ZSWIM6: variants seen among roughly 807,000 people sequenced by gnomAD.
The protein encoded by ZSWIM6 is zinc finger SWIM domain-containing protein 6.
A neutral mutation model predicts 113.2 loss-of-function variants in ZSWIM6; 9 were observed. The ratio of observed to expected loss-of-function variants is 0.08; its 90% CI spans 0.05 to 0.14. ZSWIM6 has a LOEUF of 0.14. ZSWIM6 is among the 10% of genes least tolerant of loss of function. The pLI is 1.00. For synonymous variants in ZSWIM6, 611 were observed against 606.5 expected (o/e 1.01, Z -0.11); for missense variants, 1,162 against 1,552.2 (o/e 0.75, Z 4.22).
rs367908042 is a variant in ZSWIM6 at position 61,465,865 on chromosome 5, G to A, written c.677-6816G>A. 7.2e-5 allele frequency among the ~76,000 whole-genome samples: 11 copies of A among 152,146 alleles called. No individual in the cohort carries two copies. The East Asian group carries it at 1.2e-3, about 16-fold the overall frequency. On this transcript the variant is annotated intron_variant, in intron 1 of 13. Transcript: ENST00000252744. ...TTTCCTTTAAAAAATATTTTTTTCA[G>A]AAAGATGAAAACCACTTCATTAGTG...
intron 4 of ZSWIM6, among the ~76,000 whole-genome samples, chr5:61,496,916 G>C (rs762084956): frequency 3.3e-5 from 5 of 152,012 alleles, no homozygotes; most frequent in African/African-American, 4.8e-5. Context: ...TGCTTCTCAT[G>C]TGCCACGAAT....
chr5:61,337,283 C>CA (rs1227045737), intron 1 of ZSWIM6, among the ~76,000 whole-genome samples: 35 of 147,670 alleles, frequency 2.4e-4, no homozygotes, highest in African/African-American at 6.0e-4. Flanking sequence ...CGTCTCCCCC[C>CA]CCAAAAAAAA....
chr5:61,412,915 G>A (rs1462960619), intron 1 of ZSWIM6, among the ~76,000 whole-genome samples: 1 of 151,692 alleles, frequency 6.6e-6, no homozygotes, highest in Non-Finnish European at 1.5e-5. Flanking sequence ...GTCAGTTGCT[G>A]GGTACATATT....
At position 61,332,682 on chromosome 5, in the gene ZSWIM6, C is replaced by T; in HGVS notation, c.410C>T (p.Pro137Leu). The change falls in exon 1 of 14, where the codon CCC (proline) becomes CTC (leucine). Residue 137 changes from proline (P) to leucine (L), a missense_variant. Around this residue, in one of 4 missense-constraint regions of ZSWIM6, gnomAD observed 333 missense variants for 293.4 expected, o/e 1.13. Transcript: ENST00000252744. ...ACCGGCGGCGGCGCCGCGGGCGGCC[C>T]CGGCGACGACAGCGGTGGCGGCGGC... is the stretch of plus-strand genomic sequence containing the variant. Reference protein sequence around the residue: ...FNTGGGAAGGPGDDSGGGGGA... With the variant: ...FNTGGGAAGGLGDDSGGGGGA... The T allele has an allele frequency of 9.3e-7, 1 of 1,075,330 alleles. No individual in the cohort carries two copies. The highest frequency in any genetic ancestry group is 1.1e-6 in the Non-Finnish European group (1 of 871,868). 66.6% of individuals were successfully genotyped at this position (1,075,330 alleles called of 1,614,324 possible). A position where few individuals can be genotyped will look rare whatever the true frequency, so the allele number is the denominator to read the frequency against.
At chr5:61,447,118 C>T (rs1181814630) in intron 1 of ZSWIM6, among the ~76,000 whole-genome samples, 2 of 152,098 alleles carry the variant, frequency 1.3e-5, no homozygotes, top group Admixed American at 1.3e-4. Context: ...CAGGCCCAAC[C>T]CTGCTTAGAA....
In ZSWIM6 at chr5:61,391,507, C is replaced by T. The variant is rs963744727; in HGVS notation, c.676+58559C>T. Reference sequence around the variant, plus strand: ...AAAGGCCTTCTTCTTAGATTTATGCCGGTTTTTATAGAAATGTCTCTTGCA... The same window carrying T: ...AAAGGCCTTCTTCTTAGATTTATGCTGGTTTTTATAGAAATGTCTCTTGCA... On this transcript the variant is annotated intron_variant, in intron 1 of 13. Transcript: ENST00000252744. 8.0e-5 allele frequency: 98 copies of T among 1,231,148 alleles called. 1 individual carries two copies. Among genetic ancestry groups the T allele is most frequent in the South Asian group, 1.2e-4 (10 of 83,384 alleles). 76.3% of individuals were successfully genotyped at this position (1,231,148 alleles called of 1,614,324 possible).
At chr5:61,507,853 A>T (rs1212102059) in intron 4 of ZSWIM6, among the ~76,000 whole-genome samples, 2 of 152,214 alleles carry the variant, frequency 1.3e-5, no homozygotes, top group African/African-American at 2.4e-5. Context: ...GAATGGAATG[A>T]TGATTCTGTC....
At chr5:61,505,000 T>G (rs953408320) in intron 4 of ZSWIM6, among the ~76,000 whole-genome samples, 4 of 152,164 alleles carry the variant, frequency 2.6e-5, no homozygotes, top group Non-Finnish European at 5.9e-5. Flanking sequence ...TTCGGAAAAT[T>G]TTGGCAATAG....
chr5:61,405,781 A>C (rs977222535), intron 1 of ZSWIM6, among the ~76,000 whole-genome samples: 1 of 152,216 alleles, frequency 6.6e-6, no homozygotes, highest in Non-Finnish European at 1.5e-5. Flanking sequence ...CATAGTTTCT[A>C]TATGGAAAGG....
intron 4 of ZSWIM6, among the ~76,000 whole-genome samples, chr5:61,500,588 C>T (rs1421679773): frequency 6.6e-6 from 1 of 152,202 alleles, no homozygotes; most frequent in African/African-American, 2.4e-5. Context: ...TACCATAGTC[C>T]GCTGAGCTTA....
chr5:61,464,549 T>C (rs1471208632), intron 1 of ZSWIM6, among the ~76,000 whole-genome samples: 4 of 152,060 alleles, frequency 2.6e-5, no homozygotes, highest in African/African-American at 9.7e-5. Context: ...AGCCTGGGCA[T>C]AGGGCAAGGC....
chr5:61,484,238 C>T (rs1180391620), intron 2 of ZSWIM6, among the ~76,000 whole-genome samples: 5 of 152,202 alleles, frequency 3.3e-5, no homozygotes, highest in African/African-American at 1.2e-4. Context: ...AGACAACCCC[C>T]ATCCAAGTAG....
At chr5:61,531,324 G>T in intron 8 of ZSWIM6, 141 bp from the exon 9 acceptor site, 1 of 998,344 alleles carries the variant, frequency 1.0e-6, no homozygotes. Flanking sequence ...CTGCACTTTA[G>T]CCTAAAAAAC....
intron 1 of ZSWIM6, among the ~76,000 whole-genome samples, chr5:61,334,443 T>G (rs1744345393): frequency 1.3e-5 from 2 of 152,346 alleles, no homozygotes; most frequent in East Asian, 1.9e-4. Flanking sequence ...CGCATCTCTA[T>G]CTCTTTGATT....
At chr5:61,437,621 C>T (rs1365584368) in intron 1 of ZSWIM6, among the ~76,000 whole-genome samples, 1 of 148,328 alleles carries the variant, frequency 6.7e-6, no homozygotes, top group Non-Finnish European at 1.5e-5. Context: ...GCTTGAGAGG[C>T]TGAGGTGGGA....
chr5:61,376,631 T>G (rs1247532326), intron 1 of ZSWIM6, among the ~76,000 whole-genome samples: 2 of 134,408 alleles, frequency 1.5e-5, no homozygotes, highest in Admixed American at 7.8e-5. Flanking sequence ...GTTATGTCAT[T>G]TGAATTAATT....
intron 1 of ZSWIM6, chr5:61,375,285 G>A: frequency 6.2e-7 from 1 of 1,611,082 alleles, no homozygotes; most frequent in Admixed American, 1.7e-5. Flanking sequence ...CCAAGGCTTT[G>A]GCTGAATTTG....
chr5:61,377,027 T>TTA (rs552124198), intron 1 of ZSWIM6, among the ~76,000 whole-genome samples: 60 of 150,340 alleles, frequency 4.0e-4, no homozygotes, highest in Non-Finnish European at 8.3e-4. Flanking sequence ...ATGTAATGTT[T>TTA]AAAAAAAAAA....
chr5:61,375,268 A>G (rs1579961046), intron 1 of ZSWIM6: 5 of 1,612,548 alleles, frequency 3.1e-6, no homozygotes, highest in Non-Finnish European at 4.2e-6. Flanking sequence ...AAAGGAAAAG[A>G]AAGGCTCCAA....
Sources: gnomAD v4.1 joint callset for allele counts (sites outside exome capture counted in the v4.1 genomes callset) on GRCh38, gnomAD v4.1.1 for gene constraint, gnomAD v4.1.1 regional missense constraint, MANE v1.5 for transcripts, NCBI Gene and HGNC (gene_info 2026-07-23, HGNC 2026-07-21) for gene names.